The following NUBPL variants were observed in gnomAD, a reference collection of about 807,000 sequenced individuals.
NUBPL encodes NUBP iron-sulfur cluster assembly factor, mitochondrial.
NUBPL carries 31 observed loss-of-function variants against 45.7 expected under a neutral mutation model. The observed-to-expected ratio is 0.68, with a 90% CI of 0.51 to 0.92. The LOEUF (loss-of-function observed/expected upper bound fraction) is 0.92, where lower values mean the gene tolerates loss of function less well. NUBPL is among the 40% of genes least tolerant of loss of function. NUBPL has a pLI of 0.00. For missense variants in NUBPL, 401 were observed against 398.7 expected (o/e 1.01, Z -0.05); for synonymous variants, 144 against 140.9 (o/e 1.02, Z -0.15).
intron 6 of NUBPL, among the ~76,000 whole-genome samples, chr14:31,747,603 T>G (rs1040157756): frequency 6.6e-6 from 1 of 152,212 alleles, no homozygotes; most frequent in Admixed American, 6.5e-5. Context: ...TTGGCATATA[T>G]TTGCTTATAG....
chr14:31,637,766 G>T (rs1368316381), intron 4 of NUBPL, among the ~76,000 whole-genome samples: 2 of 152,110 alleles, frequency 1.3e-5, no homozygotes, highest in African/African-American at 2.4e-5. Flanking sequence ...TATGAATCTG[G>T]GTGCTCCTGT....
At chr14:31,787,664 C>T in intron 6 of NUBPL, 116 bp from the exon 7 acceptor site, 1 of 726,630 alleles carries the variant, frequency 1.4e-6, no homozygotes, top group Non-Finnish European at 2.4e-6. Flanking sequence ...TTGTACCTAG[C>T]AATGGCTCAA....
chr14:31,639,614 A>C (rs1048826352), intron 4 of NUBPL, among the ~76,000 whole-genome samples: 8 of 152,186 alleles, frequency 5.3e-5, no homozygotes, highest in African/African-American at 1.7e-4. Flanking sequence ...CTCTTCAAAG[A>C]TATCAGACAG....
intron 7 of NUBPL, among the ~76,000 whole-genome samples, chr14:31,811,143 TC>T (rs913940363): frequency 1.3e-5 from 2 of 152,204 alleles, no homozygotes; most frequent in Non-Finnish European, 2.9e-5. Context: ...TCTCTGTACT[TC>T]CTGAATTTGA....
chr14:31,647,785 G>C (rs2035896104), intron 4 of NUBPL, among the ~76,000 whole-genome samples: 1 of 152,186 alleles, frequency 6.6e-6, no homozygotes, highest in Non-Finnish European at 1.5e-5. Flanking sequence ...CAAGATGGTG[G>C]GGAAACTGAT....
intron 4 of NUBPL, among the ~76,000 whole-genome samples, chr14:31,614,750 A>G (rs2034851261): frequency 6.6e-6 from 1 of 152,184 alleles, no homozygotes; most frequent in Non-Finnish European, 1.5e-5. Flanking sequence ...ACTTGGTTAT[A>G]TGGTTATCAA....
At chr14:31,639,019 C>T (rs2035597958) in intron 4 of NUBPL, among the ~76,000 whole-genome samples, 3 of 152,038 alleles carry the variant, frequency 2.0e-5, no homozygotes, top group Non-Finnish European at 4.4e-5. Context: ...CACTTCTTTG[C>T]CTTTGGTTTG....
intron 6 of NUBPL, among the ~76,000 whole-genome samples, chr14:31,683,942 G>A (rs1362283330): frequency 6.9e-6 from 1 of 143,896 alleles, no homozygotes; most frequent in African/African-American, 2.5e-5. Context: ...TACCATAGTA[G>A]TAGTTTCTTT....
At chr14:31,856,187 T>C (rs1481601349) in intron 10 of NUBPL, among the ~76,000 whole-genome samples, 1 of 152,118 alleles carries the variant, frequency 6.6e-6, no homozygotes, top group African/African-American at 2.4e-5. Flanking sequence ...GAGGAACAAG[T>C]CATGTCTTAC....
At chr14:31,657,687 G>C (rs2139760247) in intron 4 of NUBPL, among the ~76,000 whole-genome samples, 1 of 152,182 alleles carries the variant, frequency 6.6e-6, no homozygotes, top group Middle Eastern at 3.4e-3. Flanking sequence ...TTTAGCCCTT[G>C]TTATAGATAT....
At chr14:31,739,108 G>A (rs2038221740) in intron 6 of NUBPL, among the ~76,000 whole-genome samples, 1 of 148,070 alleles carries the variant, frequency 6.8e-6, no homozygotes, top group African/African-American at 2.5e-5. Context: ...CCGCCTCCTG[G>A]GTTCGAGCAA....
chr14:31,574,418 C>T (rs926139621), intron 3 of NUBPL, among the ~76,000 whole-genome samples: 3 of 150,894 alleles, frequency 2.0e-5, no homozygotes, highest in African/African-American at 7.3e-5. Context: ...GTGTGTGCCA[C>T]CATGTTCAGT....
At chr14:31,762,220 C>T (rs932673474) in intron 6 of NUBPL, among the ~76,000 whole-genome samples, 1 of 152,116 alleles carries the variant, frequency 6.6e-6, no homozygotes, top group Non-Finnish European at 1.5e-5. Flanking sequence ...GGCCTTGAGG[C>T]AAGTATAGTA....
intron 6 of NUBPL, among the ~76,000 whole-genome samples, chr14:31,700,386 G>A (rs747232650): frequency 1.3e-5 from 2 of 152,096 alleles, no homozygotes; most frequent in African/African-American, 4.8e-5. Flanking sequence ...AGGTGACAGC[G>A]TGCTGGCAGC....
chr14:31,737,095 C>A (rs1448349056), intron 6 of NUBPL, among the ~76,000 whole-genome samples: 1 of 151,960 alleles, frequency 6.6e-6, no homozygotes, highest in African/African-American at 2.4e-5. Context: ...TTGCAGATAT[C>A]AATCAATGGC....
At chr14:31,642,081 A>C (rs1346201251) in intron 4 of NUBPL, among the ~76,000 whole-genome samples, 1 of 151,994 alleles carries the variant, frequency 6.6e-6, no homozygotes, top group Non-Finnish European at 1.5e-5. Context: ...CTCTTTATTA[A>C]TCCCTTGTCA....
chr14:31,595,882 G>GC (rs948713822), intron 3 of NUBPL, among the ~76,000 whole-genome samples: 1 of 149,962 alleles, frequency 6.7e-6, no homozygotes, highest in Non-Finnish European at 1.5e-5. Flanking sequence ...TGTATGCTTT[G>GC]GTGTTTCTGT....
chr14:31,629,116 T>C (rs1430458217), intron 4 of NUBPL, among the ~76,000 whole-genome samples: 1 of 152,212 alleles, frequency 6.6e-6, no homozygotes, highest in Non-Finnish European at 1.5e-5. Context: ...ATCTGAAAGA[T>C]TCTTGGGGAT....
chr14:31,858,984 C>A, intron 10 of NUBPL, 134 bp from the exon 11 acceptor site: 1 of 733,500 alleles, frequency 1.4e-6, no homozygotes, highest in Non-Finnish European at 2.4e-6. Flanking sequence ...GCACTATCTT[C>A]TCAATACTGA....
Sources: gnomAD v4.1 joint callset for allele counts (sites outside exome capture counted in the v4.1 genomes callset) on GRCh38, gnomAD v4.1.1 for gene constraint, MANE v1.5 for transcripts, NCBI Gene and HGNC (gene_info 2026-07-23, HGNC 2026-07-21) for gene names.